Variants in CCDC33 observed in about 807,000 individuals in gnomAD.
CCDC33 encodes coiled-coil domain containing 33, also known as coiled-coil domain-containing protein 33.
In CCDC33, 94 loss-of-function variants were observed where a neutral mutation model predicts 91.9. That is an observed-to-expected ratio of 1.02 (90% CI 0.87 to 1.21). CCDC33 has a LOEUF of 1.21. Ranked by LOEUF, CCDC33 falls within the 50% of genes most tolerant of loss-of-function variation. The probability of loss-of-function intolerance (pLI) is 0.00; values close to 1 mark genes in which losing one functional copy is unlikely to be tolerated. For synonymous variants in CCDC33, 396 were observed against 374.5 expected (o/e 1.06, Z -0.66); for missense variants, 940 against 935.5 (o/e 1.00, Z -0.06).
At chr15:74,320,350 C>T (rs1449855057) in intron 11 of CCDC33, among the ~76,000 whole-genome samples, 2 of 152,160 alleles carry the variant, frequency 1.3e-5, no homozygotes, top group Non-Finnish European at 1.5e-5. Context: ...AGTCAAATCT[C>T]ACCTGCACCT....
At chr15:74,227,476 AGGTTACTT>A (rs1412331854) in intron 2 of CCDC33, among the ~76,000 whole-genome samples, 1 of 152,180 alleles carries the variant, frequency 6.6e-6, no homozygotes, top group Non-Finnish European at 1.5e-5. Context: ...CTGCCAAGAC[AGGTTACTT>A]GGTATTACGC....
At chr15:74,204,316 C>T (rs981264310) in intron 1 of CCDC33, among the ~76,000 whole-genome samples, 5 of 152,228 alleles carry the variant, frequency 3.3e-5, no homozygotes, top group African/African-American at 1.2e-4. Context: ...GCGCCTGGCC[C>T]TTGGGTAAGA....
chr15:74,238,638 A>C (rs2075256097), intron 1 of CCDC33, among the ~76,000 whole-genome samples: 2 of 152,162 alleles, frequency 1.3e-5, no homozygotes, highest in African/African-American at 4.8e-5. Context: ...AAGTTAGTAT[A>C]GATTTTTAAA....
chr15:74,291,392 G>T (rs1021746183), intron 10 of CCDC33, among the ~76,000 whole-genome samples: 4 of 152,244 alleles, frequency 2.6e-5, no homozygotes, highest in Admixed American at 2.6e-4. Flanking sequence ...ATTGCATCAG[G>T]CCTCCTGAAT....
intron 11 of CCDC33, among the ~76,000 whole-genome samples, chr15:74,317,648 A>C (rs1189247459): frequency 6.6e-6 from 1 of 152,216 alleles, no homozygotes; most frequent in East Asian, 1.9e-4. Flanking sequence ...ATATTTATGA[A>C]GTCCCAGTGC....
chr15:74,237,377 C>T (rs1025666217), intron 1 of CCDC33, among the ~76,000 whole-genome samples: 1 of 152,190 alleles, frequency 6.6e-6, no homozygotes, highest in Admixed American at 6.5e-5. Context: ...GGACCCCTTA[C>T]CTTCCTCTCA....
chr15:74,268,139 T>C (rs2076216730), intron 4 of CCDC33, among the ~76,000 whole-genome samples: 1 of 152,228 alleles, frequency 6.6e-6, no homozygotes, highest in East Asian at 1.9e-4. Flanking sequence ...GTGAGGGTGA[T>C]GAAATATTCA....
chr15:74,210,228 T>C (rs941295238), intron 2 of CCDC33, among the ~76,000 whole-genome samples: 1 of 152,226 alleles, frequency 6.6e-6, no homozygotes, highest in Admixed American at 6.5e-5. Context: ...CCTGCATGCA[T>C]ATATATGGAG....
In CCDC33 at chr15:74,331,305, A is replaced by G; in HGVS notation, c.1771+9A>G. 6.2e-7 allele frequency: 1 copy of G among 1,612,800 alleles called. No individual in the cohort carries two copies. Among genetic ancestry groups the G allele is most frequent in the Non-Finnish European group, 8.5e-7 (1 of 1,179,074 alleles). On this transcript the variant is annotated intron_variant, in intron 15 of 18. Transcript: ENST00000398814. Reference sequence around the variant, plus strand: ...GGGAAAGCCCTACACGGGTGGGTCCACACCCTGATGTGATCAGCTCCCCAG... The same window carrying G: ...GGGAAAGCCCTACACGGGTGGGTCCGCACCCTGATGTGATCAGCTCCCCAG...
chr15:74,333,272 G>A (rs1319175375), intron 16 of CCDC33: 1 of 1,602,684 alleles, frequency 6.2e-7, no homozygotes, highest in East Asian at 2.2e-5. Flanking sequence ...GAGGCTACAA[G>A]AGACGCATGG....
intron 5 of CCDC33, 26 bp downstream of exon 5, chr15:74,268,484 T>TGGGGGGGG: frequency 1.6e-6 from 2 of 1,220,738 alleles, no homozygotes; most frequent in Non-Finnish European, 2.3e-6. Context: ...CCCTCTGGGG[T>TGGGGGGGG]GGTGGTGGGG....
intron 7 of CCDC33, among the ~76,000 whole-genome samples, chr15:74,273,774 T>A (rs1595999895): frequency 1.3e-5 from 2 of 151,258 alleles, no homozygotes; most frequent in Admixed American, 6.6e-5. Context: ...CAGCGAAAAA[T>A]TTTTTTTAAT....
chr15:74,247,145 C>CA (rs60850915), intron 2 of CCDC33, among the ~76,000 whole-genome samples: 3,387 of 139,704 alleles, frequency 0.024, 99 homozygotes, highest in African/African-American at 0.073. Flanking sequence ...ACTCCCATCT[C>CA]AAAAAAAAAA....
intron 1 of CCDC33, among the ~76,000 whole-genome samples, chr15:74,206,954 A>G (rs1394927182): frequency 6.6e-6 from 1 of 152,212 alleles, no homozygotes; most frequent in East Asian, 1.9e-4. Flanking sequence ...AGCCCTGCTC[A>G]CTATGGGAGG....
At chr15:74,227,002 G>A (rs16967059) in intron 2 of CCDC33, among the ~76,000 whole-genome samples, 8,169 of 152,154 alleles carry the variant, frequency 0.054, 688 homozygotes, top group African/African-American at 0.18. Context: ...TGAGTACTTC[G>A]AGCTCTGTAC....
chr15:74,260,108 G>A, intron 2 of CCDC33, among the ~76,000 whole-genome samples: 1 of 152,236 alleles, frequency 6.6e-6, no homozygotes, highest in East Asian at 1.9e-4. Context: ...AGAGCCTGAG[G>A]TCTCTGACTT....
chr15:74,210,829 G>T (rs1283573497), intron 2 of CCDC33, among the ~76,000 whole-genome samples: 2 of 152,160 alleles, frequency 1.3e-5, no homozygotes, highest in Non-Finnish European at 2.9e-5. Flanking sequence ...CCCAGGTTGT[G>T]TTCTCAAAAA....
At chr15:74,241,514 A>C (rs1054912529) in intron 1 of CCDC33, among the ~76,000 whole-genome samples, 5 of 152,206 alleles carry the variant, frequency 3.3e-5, no homozygotes, top group Admixed American at 2.0e-4. Context: ...CCCGTGGGAC[A>C]AGATGAGGTC....
chr15:74,244,139 A>C lies in CCDC33; in HGVS notation c.176A>C (p.Tyr59Ser). 6.2e-7 allele frequency: 1 copy of C among 1,611,556 alleles called. No individual in the cohort carries two copies. Among genetic ancestry groups the C allele is most frequent in the Non-Finnish European group, 8.5e-7 (1 of 1,178,544 alleles). Reference sequence around the variant, plus strand: ...AAGGATGGCTCCGAGCCGTGGCCCTATGTGGTGGTGTAAGTAGCTGCGTGA... The same window carrying C: ...AAGGATGGCTCCGAGCCGTGGCCCTCTGTGGTGGTGTAAGTAGCTGCGTGA... ...ACKDGSEPWP[Y>S]VVVKSTSEEK... Residue 59 changes from tyrosine to serine, a missense_variant, in exon 2 of 19, where the codon TAT becomes TCT. Coordinates refer to ENST00000398814, the MANE Select transcript of CCDC33 (RefSeq NM_025055.5). The surrounding 1 kb of genome is among the most constrained non-coding windows in gnomAD (Gnocchi z 4.2).
Sources: allele counts gnomAD v4.1 joint callset (sites outside exome capture counted in the v4.1 genomes callset), GRCh38; gene constraint gnomAD v4.1.1; non-coding constraint Gnocchi (gnomAD v3.1); transcripts MANE v1.5; gene names NCBI Gene and HGNC (gene_info 2026-07-23, HGNC 2026-07-21).